The following KDM4B variants were observed in gnomAD, a reference collection of about 807,000 sequenced individuals.
KDM4B encodes lysine-specific demethylase 4B.
In KDM4B, 32 loss-of-function variants were observed where a neutral mutation model predicts 125.2. The observed-to-expected ratio is 0.26, with a 90% CI of 0.19 to 0.34. The LOEUF (loss-of-function observed/expected upper bound fraction) is 0.34. KDM4B is among the 10% of genes least tolerant of loss of function. KDM4B has a pLI of 1.00. For synonymous variants in KDM4B, 721 were observed against 677.9 expected (o/e 1.06, Z -0.99); for missense variants, 1,190 against 1,577.7 (o/e 0.75, Z 4.16).
intron 6 of KDM4B, among the ~76,000 whole-genome samples, chr19:5,052,667 G>A (rs144205760): frequency 0.013 from 2,052 of 152,362 alleles, 44 homozygotes; most frequent in African/African-American, 0.046. Context: ...CAGTCTGGCT[G>A]CAGGTGGCAC....
intron 1 of KDM4B, among the ~76,000 whole-genome samples, chr19:5,002,486 T>G (rs911087661): frequency 3.3e-5 from 5 of 151,772 alleles, no homozygotes; most frequent in African/African-American, 1.2e-4. Context: ...CTTCTTTCTT[T>G]CCTTTCTTCT....
intron 9 of KDM4B, among the ~76,000 whole-genome samples, chr19:5,099,183 C>T (rs2038884690): frequency 6.6e-6 from 1 of 152,210 alleles, no homozygotes; most frequent in African/African-American, 2.4e-5. Context: ...TCTCTTTAAA[C>T]ATGATGAGCA....
intron 10 of KDM4B, among the ~76,000 whole-genome samples, chr19:5,117,792 C>G (rs557399462): frequency 5.3e-5 from 8 of 152,164 alleles, no homozygotes; most frequent in African/African-American, 1.9e-4. Context: ...CCGGCCACCC[C>G]GCAGCGACCT....
rs2039228858 is a variant in KDM4B, at chr19:5,115,089, G to A, written c.1115+4271G>A. On this transcript the variant is annotated intron_variant, in intron 10 of 22. Transcript: ENST00000159111. The surrounding 1 kb of genome is among the most constrained non-coding windows in gnomAD (Gnocchi z 4.2). ...TCTCCAGGCTTTGAAAAGCAGGGAA[G>A]GGTGGGCAGGAGACCCCATGGGCCG... is the stretch of plus-strand genomic sequence containing the variant. Among the ~76,000 whole-genome samples the A allele has an allele frequency of 6.6e-6, 1 of 152,208 alleles. No homozygotes were observed. The highest frequency in any genetic ancestry group is 2.1e-4 in the South Asian group (1 of 4,830).
Position 4,981,572 on chromosome 19 carries a change from C to T in KDM4B, c.-109+12342C>T, listed in dbSNP as rs528998864. On this transcript the variant is annotated intron_variant, in intron 1 of 22. Transcript: ENST00000159111. ...TGGGGCCCAGCAGCCTCCACCTGGA[C>T]GTCCCCCCAGGAGGTTAAAGGGGTG... is the stretch of plus-strand genomic sequence containing the variant. Among the ~76,000 whole-genome samples the T allele has an allele frequency of 3.0e-4, 46 of 152,244 alleles. 1 individual carries two copies. Among genetic ancestry groups the T allele is most frequent in the Admixed American group, 7.8e-4 (12 of 15,296 alleles).
chr19:5,102,634 C>T lies in KDM4B; in HGVS notation c.919-7988C>T, dbSNP rs371077324. Among the ~76,000 whole-genome samples, 8 of 152,288 alleles carry T rather than the reference C, an allele frequency of 5.3e-5. No homozygotes were observed. In the East Asian group the frequency reaches 1.4e-3, roughly 26 times the overall value. ...TTGCTGTTGGCGTTGGGAGGGATCT[C>T]GCACCACAGCAGGGAATCGAGGCCC... On this transcript the variant is annotated intron_variant, in intron 9 of 22. Coordinates refer to ENST00000159111, the MANE Select transcript of KDM4B (RefSeq NM_015015.3).
At chr19:5,143,328 AAG>A (rs1555721960) in intron 18 of KDM4B, among the ~76,000 whole-genome samples, 1 of 151,440 alleles carries the variant, frequency 6.6e-6, no homozygotes, top group Non-Finnish European at 1.5e-5. Context: ...CAAAAAAAAA[AAG>A]AAAAAATCCT....
chr19:4,982,591 TTCTC>T (rs551213682), intron 1 of KDM4B, among the ~76,000 whole-genome samples: 104 of 147,526 alleles, frequency 7.0e-4, no homozygotes, highest in African/African-American at 2.3e-3. Flanking sequence ...AAAAGTGATG[TTCTC>T]TCTCTCTCTC....
chr19:5,117,427 T>A (rs914420366), intron 10 of KDM4B, among the ~76,000 whole-genome samples: 2 of 152,024 alleles, frequency 1.3e-5, no homozygotes, highest in African/African-American at 4.8e-5. Flanking sequence ...GCTGGTGCTG[T>A]CTGGGACCAG....
At chr19:5,041,784 A>AG (rs1474789958) in intron 5 of KDM4B, among the ~76,000 whole-genome samples, 3 of 152,230 alleles carry the variant, frequency 2.0e-5, no homozygotes, top group African/African-American at 7.2e-5. Flanking sequence ...CTCAGGCATA[A>AG]GGTCCCCCAG....
chr19:5,047,640 C>T lies in KDM4B; in HGVS notation c.597C>T (p.Asn199=). 5.0e-6 allele frequency: 8 copies of T among 1,613,966 alleles called. No individual in the cohort carries two copies. Among genetic ancestry groups the T allele is most frequent in the Non-Finnish European group, 6.8e-6 (8 of 1,179,878 alleles). Residue 199 remains asparagine, a synonymous_variant, in exon 6 of 23, where the codon AAC becomes AAT. Coordinates refer to ENST00000159111, the MANE Select transcript of KDM4B (RefSeq NM_015015.3). ...HTEDMDLYSI[N]YLHFGEPKSW... is the part of the protein sequence containing the mutation. ...AGGACATGGACCTGTACAGCATCAACTACCTGCACTTTGGGGAGCCTAAGT... is the reference window on the plus strand; with the variant it reads ...AGGACATGGACCTGTACAGCATCAATTACCTGCACTTTGGGGAGCCTAAGT...
Position 5,082,062 on chromosome 19 carries a change from C to T in KDM4B, c.781-305C>T, listed in dbSNP as rs2038314253. 6.6e-6 allele frequency among the ~76,000 whole-genome samples: 1 copy of T among 152,178 alleles called. No individual in the cohort carries two copies. The highest frequency in any genetic ancestry group is 2.1e-4 in the South Asian group (1 of 4,832). On this transcript the variant is annotated intron_variant, in intron 8 of 22. Transcript: ENST00000159111. The surrounding 1 kb of genome is among the most constrained non-coding windows in gnomAD (Gnocchi z 5.4). ...CAGCCACGGCTCCATCTGCGGTTCTCCCACTGGGGTGATGCTGACGGCCGC... is the reference window on the plus strand; with the variant it reads ...CAGCCACGGCTCCATCTGCGGTTCTTCCACTGGGGTGATGCTGACGGCCGC...
chr19:5,029,014 G>C (rs975950029), intron 2 of KDM4B, among the ~76,000 whole-genome samples: 17 of 152,168 alleles, frequency 1.1e-4, no homozygotes, highest in Non-Finnish European at 2.2e-4. Context: ...CAGCTCAAGC[G>C]ATTCTCCTGC....
chr19:5,015,084 G>A (rs905997472), intron 1 of KDM4B, among the ~76,000 whole-genome samples: 3 of 152,062 alleles, frequency 2.0e-5, no homozygotes, highest in Admixed American at 1.3e-4. Context: ...GGACCTTAGA[G>A]TGCTTCTGAA....
chr19:4,981,192 G>A (rs1052037117), intron 1 of KDM4B, among the ~76,000 whole-genome samples: 1 of 152,126 alleles, frequency 6.6e-6, no homozygotes, highest in Non-Finnish European at 1.5e-5. Flanking sequence ...CGCTCCATGG[G>A]GCAGCGTGGC....
chr19:5,048,215 C>T (rs571807461), intron 6 of KDM4B, among the ~76,000 whole-genome samples: 172 of 152,206 alleles, frequency 1.1e-3, no homozygotes, highest in Non-Finnish European at 1.7e-3. Flanking sequence ...GCAGCGTGGG[C>T]GCTGCTGTGG....
chr19:5,091,837 G>A (rs1034359189), intron 9 of KDM4B, among the ~76,000 whole-genome samples: 3 of 152,194 alleles, frequency 2.0e-5, no homozygotes, highest in Non-Finnish European at 2.9e-5. Context: ...CGGCTGGCCT[G>A]TGCCCTGCCT....
intron 1 of KDM4B, among the ~76,000 whole-genome samples, chr19:4,970,892 G>C (rs896360938): frequency 7.9e-5 from 12 of 152,238 alleles, no homozygotes; most frequent in African/African-American, 2.9e-4. Flanking sequence ...TTGGACACCT[G>C]GCAGGTCCGG....
In KDM4B at chr19:5,151,847, C is replaced by T. The variant is rs1431786654; in HGVS notation, c.*336C>T. 1 of 275,130 alleles carries T rather than the reference C, an allele frequency of 3.6e-6. No homozygotes were observed. Among genetic ancestry groups the T allele is most frequent in the Admixed American group, 5.3e-5 (1 of 18,918 alleles). 17.0% of individuals were successfully genotyped at this position (275,130 alleles called of 1,614,324 possible). A position where few individuals can be genotyped will look rare whatever the true frequency, so the allele number is the denominator to read the frequency against. ...ATTGTCACTTCTGTACATAAACCAC[C>T]TTTGTGAGGCTCTTTCTATAAATAC... On this transcript the variant is annotated 3_prime_UTR_variant, in exon 23 of 23. Coordinates refer to ENST00000159111, the MANE Select transcript of KDM4B (RefSeq NM_015015.3).
Sources: allele counts gnomAD v4.1 joint callset (sites outside exome capture counted in the v4.1 genomes callset), GRCh38; gene constraint gnomAD v4.1.1; non-coding constraint Gnocchi (gnomAD v3.1); transcripts MANE v1.5; gene names NCBI Gene and HGNC (gene_info 2026-07-23, HGNC 2026-07-21).